The following ENTREP2 variants were observed in gnomAD, a reference collection of about 807,000 sequenced individuals.
ENTREP2 encodes endosomal transmembrane epsin interactor 2.
the ENTREP2 span, among the ~76,000 whole-genome samples, chr15:29,455,953 A>C: frequency 6.6e-6 from 1 of 152,234 alleles, no homozygotes; most frequent in Non-Finnish European, 1.5e-5. Context: ...GAAACTGTCC[A>C]GTTGCAGGAA....
chr15:29,521,931 G>A, the ENTREP2 span, among the ~76,000 whole-genome samples: 1,779 of 152,152 alleles, frequency 0.012, 30 homozygotes, highest in African/African-American at 0.041. Flanking sequence ...AGACAGACAA[G>A]TAGACCAATA....
At chr15:29,275,775 G>A in the ENTREP2 span, among the ~76,000 whole-genome samples, 1 of 152,104 alleles carries the variant, frequency 6.6e-6, no homozygotes, top group Non-Finnish European at 1.5e-5. Flanking sequence ...TCAGAAAAAG[G>A]CTTTAATTTT....
chr15:29,367,387 A>G, the ENTREP2 span, among the ~76,000 whole-genome samples: 1 of 152,102 alleles, frequency 6.6e-6, no homozygotes, highest in Non-Finnish European at 1.5e-5. Flanking sequence ...ATTTGACCTG[A>G]CCCTGAGCTC....
chr15:29,272,682 C>T, the ENTREP2 span, among the ~76,000 whole-genome samples: 1 of 152,116 alleles, frequency 6.6e-6, no homozygotes, highest in Non-Finnish European at 1.5e-5. Flanking sequence ...GCCAAATATA[C>T]ATATTTAATA....
the ENTREP2 span, among the ~76,000 whole-genome samples, chr15:29,223,680 T>G: frequency 6.6e-6 from 1 of 152,006 alleles, no homozygotes; most frequent in East Asian, 1.9e-4. Flanking sequence ...GCGGGCCCAG[T>G]AGAACTCCTG....
At chr15:29,243,898 A>C in the ENTREP2 span, among the ~76,000 whole-genome samples, 1 of 152,248 alleles carries the variant, frequency 6.6e-6, no homozygotes, top group African/African-American at 2.4e-5. Flanking sequence ...CCCAGGTTAT[A>C]TAAACTGTTT....
chr15:29,143,137 T>C, the ENTREP2 span, among the ~76,000 whole-genome samples: 1 of 152,210 alleles, frequency 6.6e-6, no homozygotes, highest in African/African-American at 2.4e-5. Context: ...TTTGGAGACT[T>C]GTTCTTGCTA....
chr15:29,554,473 T>G, the ENTREP2 span, among the ~76,000 whole-genome samples: 1 of 152,090 alleles, frequency 6.6e-6, no homozygotes, highest in Non-Finnish European at 1.5e-5. Flanking sequence ...CTATCACATT[T>G]AACAACATAA....
chr15:29,196,099 G>A, the ENTREP2 span, among the ~76,000 whole-genome samples: 1 of 152,022 alleles, frequency 6.6e-6, no homozygotes, highest in Non-Finnish European at 1.5e-5. Context: ...TTTGTTCCCT[G>A]ATGGTATAAC....
At chr15:29,468,947 A>G in the ENTREP2 span, among the ~76,000 whole-genome samples, 2 of 152,208 alleles carry the variant, frequency 1.3e-5, no homozygotes, top group Non-Finnish European at 2.9e-5. Flanking sequence ...TAACACACAC[A>G]AAACCTGCAC....
the ENTREP2 span, among the ~76,000 whole-genome samples, chr15:29,416,604 A>G: frequency 6.6e-6 from 1 of 152,208 alleles, no homozygotes; most frequent in Non-Finnish European, 1.5e-5. Flanking sequence ...CTTCATGTCT[A>G]AAACACCAAA....
At chr15:29,246,246 C>A in the ENTREP2 span, among the ~76,000 whole-genome samples, 17 of 149,020 alleles carry the variant, frequency 1.1e-4, no homozygotes, top group East Asian at 2.8e-3. Flanking sequence ...AAAAAGTTAG[C>A]TGGTTGTGGT....
the ENTREP2 span, among the ~76,000 whole-genome samples, chr15:29,517,220 C>G: frequency 3.3e-5 from 5 of 152,088 alleles, no homozygotes; most frequent in African/African-American, 1.2e-4. Context: ...ACAATCTAGC[C>G]ACGGGAGGGA....
At chr15:29,422,224 C>T in the ENTREP2 span, among the ~76,000 whole-genome samples, 5 of 151,568 alleles carry the variant, frequency 3.3e-5, no homozygotes, top group Admixed American at 6.6e-5. Flanking sequence ...GAGCCGAGGT[C>T]GCGCCATTGC....
chr15:29,355,703 C>T, the ENTREP2 span, among the ~76,000 whole-genome samples: 1 of 152,180 alleles, frequency 6.6e-6, no homozygotes, highest in Non-Finnish European at 1.5e-5. Context: ...AACCAAATTA[C>T]TCTTACATTG....
chr15:29,621,955 G>A, the ENTREP2 span, among the ~76,000 whole-genome samples: 458 of 152,280 alleles, frequency 3.0e-3, 2 homozygotes, highest in African/African-American at 0.011. Flanking sequence ...AGTGAAATGA[G>A]CTAATCACAA....
chr15:29,576,672 C>T, the ENTREP2 span, among the ~76,000 whole-genome samples: 1 of 152,188 alleles, frequency 6.6e-6, no homozygotes, highest in Non-Finnish European at 1.5e-5. Flanking sequence ...CTTGAATAGA[C>T]ATTTCTCCTA....
chr15:29,128,939 C>G, the ENTREP2 span: 2 of 983,994 alleles, frequency 2.0e-6, no homozygotes, highest in Non-Finnish European at 1.5e-6. Context: ...GTAGTGTAGG[C>G]GCTTAAACTT....
chr15:29,125,696 G>A, the ENTREP2 span, among the ~76,000 whole-genome samples: 5 of 152,204 alleles, frequency 3.3e-5, no homozygotes, highest in South Asian at 4.1e-4. Context: ...CTCCAGCGCC[G>A]GGGGTGCCCA....
Sources: allele counts gnomAD v4.1 joint callset (sites outside exome capture counted in the v4.1 genomes callset), GRCh38; gene constraint gnomAD v4.1.1; transcripts MANE v1.5; gene names NCBI Gene and HGNC (gene_info 2026-07-23, HGNC 2026-07-21).